Variants in DMD observed in about 807,000 individuals in gnomAD.
DMD encodes the protein mutant dystrophin.
DMD carries 63 observed loss-of-function variants against 330.1 expected under a neutral mutation model. The ratio of observed to expected loss-of-function variants is 0.19; its 90% CI spans 0.16 to 0.24. DMD has a LOEUF of 0.24. DMD is among the 10% of genes least tolerant of loss of function. The pLI, the probability that DMD is intolerant of heterozygous loss-of-function variation, is 1.00. For missense variants in DMD, 3,344 were observed against 2,684.1 expected (o/e 1.25, Z -5.43); for synonymous variants, 1,223 against 959.8 (o/e 1.27, Z -5.07).
intron 52 of DMD, among the ~76,000 whole-genome samples, chrX:31,710,314 A>G (rs991831157): frequency 1.8e-5 from 2 of 111,806 alleles, no homozygotes; most frequent in South Asian, 3.8e-4. Context: ...GTAAAGCTGT[A>G]TATCTGTATA....
At chrX:31,228,267 T>TAAAAAAAAAAAAAAAA (rs1367757647) in intron 63 of DMD, among the ~76,000 whole-genome samples, 15 of 39,499 alleles carry the variant, frequency 3.8e-4, no homozygotes, top group Non-Finnish European at 5.8e-4. Context: ...AAAAAAAAAA[T>TAAAAAAAAAAAAAAAA]AAAAAAATAA....
intron 44 of DMD, among the ~76,000 whole-genome samples, chrX:32,081,855 AAATAATAAT>A (rs748420139): frequency 3.6e-5 from 4 of 110,025 alleles, no homozygotes; most frequent in South Asian, 3.9e-4. Context: ...ATTCTGTCTA[AAATAATAAT>A]AATAATAATA....
intron 1 of DMD, among the ~76,000 whole-genome samples, chrX:33,273,986 T>C (rs1234697061): frequency 2.7e-5 from 3 of 112,210 alleles, no homozygotes; most frequent in African/African-American, 9.7e-5. Flanking sequence ...ATTATGATAA[T>C]TCAGTGATTG....
chrX:31,275,974 TA>T (rs757246506), intron 62 of DMD, among the ~76,000 whole-genome samples: 1 of 112,554 alleles, frequency 8.9e-6, no homozygotes, highest in East Asian at 2.8e-4. Context: ...GTATAACTCT[TA>T]AAAATTAATA....
Position 32,925,468 on chromosome X carries a change from C to A in DMD, c.94-75648G>T, listed in dbSNP as rs1029967726. 5.2e-4 allele frequency among the ~76,000 whole-genome samples: 58 copies of A among 110,663 alleles called. No homozygotes were observed. In the Admixed American group the frequency reaches 5.6e-3, roughly 11 times the overall value. Reference sequence around the variant, plus strand: ...TCAGTGAGTAGAAGCAATTCACGCACTTTCAGAAGTCCTTAACTTTTGGGC... The same window carrying A: ...TCAGTGAGTAGAAGCAATTCACGCAATTTCAGAAGTCCTTAACTTTTGGGC... On this transcript the variant is annotated intron_variant, in intron 2 of 78. Transcript: ENST00000357033.
At chrX:32,492,062 G>T (rs1012840721) in intron 19 of DMD, among the ~76,000 whole-genome samples, 12 of 112,086 alleles carry the variant, frequency 1.1e-4, no homozygotes, top group African/African-American at 3.9e-4. Flanking sequence ...ATTGTCGGCT[G>T]GGCACGGTGG....
intron 73 of DMD, 74 bp downstream of exon 73, chrX:31,172,274 G>T: frequency 1.4e-6 from 1 of 714,757 alleles, no homozygotes; most frequent in Non-Finnish European, 2.2e-6. Flanking sequence ...TATATCCTGT[G>T]CTATCCTACC....
At chrX:33,001,670 G>A (rs1171219194) in intron 2 of DMD, among the ~76,000 whole-genome samples, 3 of 111,324 alleles carry the variant, frequency 2.7e-5, no homozygotes, top group Non-Finnish European at 5.7e-5. Flanking sequence ...AGACAAGAAA[G>A]ACAGCGTCTA....
intron 44 of DMD, among the ~76,000 whole-genome samples, chrX:31,986,344 C>T (rs960865243): frequency 9.0e-6 from 1 of 111,279 alleles, no homozygotes; most frequent in African/African-American, 3.3e-5. Flanking sequence ...CTCAAGAAAA[C>T]ATCAAAAGGT....
At chrX:32,364,493 T>C in intron 36 of DMD, 89 bp downstream of exon 36, 1 of 1,042,303 alleles carries the variant, frequency 9.6e-7, no homozygotes, top group Non-Finnish European at 1.3e-6. Flanking sequence ...TTTACTCTTA[T>C]TAAGACGTCC....
At chrX:32,042,025 T>TAATATA in intron 44 of DMD, among the ~76,000 whole-genome samples, 1 of 20,629 alleles carries the variant, frequency 4.8e-5, no homozygotes, top group East Asian at 1.7e-3. Context: ...CTCTCTCTGT[T>TAATATA]CATATATATA....
At chrX:31,754,840 C>T (rs752565562) in intron 51 of DMD, among the ~76,000 whole-genome samples, 1 of 111,470 alleles carries the variant, frequency 9.0e-6, no homozygotes, top group Non-Finnish European at 1.9e-5. Context: ...TGAATTGACA[C>T]CAAATGGTTG....
intron 5 of DMD, among the ~76,000 whole-genome samples, chrX:32,819,060 A>C: frequency 1.0e-5 from 1 of 96,360 alleles, no homozygotes; most frequent in Middle Eastern, 5.4e-3. Flanking sequence ...GCTGCCTGCC[A>C]AACTCAACTC....
intron 44 of DMD, among the ~76,000 whole-genome samples, chrX:32,141,711 AC>A (rs2096754694): frequency 9.3e-6 from 1 of 107,762 alleles, no homozygotes; most frequent in Non-Finnish European, 1.9e-5. Context: ...ACACACACAC[AC>A]ACACACACAC....
At chrX:32,980,800 C>T (rs1207495107) in intron 2 of DMD, among the ~76,000 whole-genome samples, 1 of 111,969 alleles carries the variant, frequency 8.9e-6, no homozygotes, top group African/African-American at 3.2e-5. Context: ...ATATAGGAGT[C>T]AGACGAATAG....
At chrX:33,223,626 A>G (rs747236665) in intron 1 of DMD, among the ~76,000 whole-genome samples, 4 of 112,481 alleles carry the variant, frequency 3.6e-5, no homozygotes, top group African/African-American at 1.3e-4. Flanking sequence ...GCAAAACTAT[A>G]AAGCCCACAG....
chrX:32,329,273 G>T (rs1392675072), intron 41 of DMD, among the ~76,000 whole-genome samples: 1 of 112,365 alleles, frequency 8.9e-6, no homozygotes, highest in Admixed American at 9.4e-5. Context: ...GGATAGAATG[G>T]ATGTGGCGAA....
chrX:31,814,463 A>G (rs1468916733), intron 50 of DMD, among the ~76,000 whole-genome samples: 1 of 77,839 alleles, frequency 1.3e-5, no homozygotes, highest in East Asian at 5.0e-4. Context: ...AGCCTGGGCG[A>G]CAGAGTGAGA....
intron 60 of DMD, among the ~76,000 whole-genome samples, chrX:31,376,565 G>T (rs1176802912): frequency 1.8e-5 from 2 of 111,991 alleles, no homozygotes; most frequent in African/African-American, 3.2e-5. Context: ...TATGGGCAGG[G>T]GCCAATATCC....
Sources: gnomAD v4.1 joint callset for allele counts (sites outside exome capture counted in the v4.1 genomes callset) on GRCh38, gnomAD v4.1.1 for gene constraint, MANE v1.5 for transcripts, NCBI Gene and HGNC (gene_info 2026-07-23, HGNC 2026-07-21) for gene names.